The following DAB1 variants were observed in gnomAD, a reference collection of about 807,000 sequenced individuals.
DAB1 encodes DAB adaptor protein 1.
In DAB1, 15 loss-of-function variants were observed where a neutral mutation model predicts 64.6. The observed-to-expected ratio is 0.23, with a 90% CI of 0.16 to 0.36. The LOEUF (loss-of-function observed/expected upper bound fraction) is 0.36. Among genes scored for constraint, DAB1 ranks in the 10% least tolerant of loss-of-function variants. DAB1 has a pLI of 1.00. For synonymous variants in DAB1, 235 were observed against 251.9 expected (o/e 0.93, Z 0.64); for missense variants, 596 against 706.7 (o/e 0.84, Z 1.78).
At chr1:57,297,295 G>A (rs1240815795) in intron 1 of DAB1, among the ~76,000 whole-genome samples, 2 of 152,150 alleles carry the variant, frequency 1.3e-5, no homozygotes, top group Admixed American at 1.3e-4. Context: ...TATTGAGCCA[G>A]TTGATAAACT....
chr1:58,494,148 AC>A (rs1645751428), intron 3 of DAB1, among the ~76,000 whole-genome samples: 2 of 152,236 alleles, frequency 1.3e-5, no homozygotes, highest in Non-Finnish European at 2.9e-5. Flanking sequence ...GACAAACCTG[AC>A]AAAAATAAGA....
intron 6 of DAB1, among the ~76,000 whole-genome samples, chr1:57,734,992 AT>A (rs1428049519): frequency 6.6e-6 from 1 of 152,242 alleles, no homozygotes; most frequent in Non-Finnish European, 1.5e-5. Context: ...TTAATTTCAT[AT>A]CTGTCATTCA....
At chr1:57,285,939 C>T (rs1015383501) in intron 2 of DAB1, among the ~76,000 whole-genome samples, 16 of 152,144 alleles carry the variant, frequency 1.1e-4, no homozygotes, top group East Asian at 3.9e-4. Flanking sequence ...TGGCAGGTAA[C>T]GAACCTAAAA....
At chr1:57,852,203 T>C (rs1262380956) in intron 1 of DAB1, among the ~76,000 whole-genome samples, 1 of 152,192 alleles carries the variant, frequency 6.6e-6, no homozygotes, top group Non-Finnish European at 1.5e-5. Flanking sequence ...GTGATAGGTG[T>C]CCTGCCCTGT....
chr1:57,129,830 T>C (rs1446257913), intron 4 of DAB1, among the ~76,000 whole-genome samples: 1 of 152,114 alleles, frequency 6.6e-6, no homozygotes, highest in African/African-American at 2.4e-5. Context: ...ATATAGCATC[T>C]TGGGCTCCAA....
chr1:58,320,372 G>C (rs1924568), intron 4 of DAB1, among the ~76,000 whole-genome samples: 116,031 of 152,236 alleles, frequency 0.76, 45,150 homozygotes, highest in African/African-American at 0.92. Context: ...TCTGATGTGC[G>C]TGGCACTGTG....
chr1:58,181,945 C>A (rs1242545001), intron 4 of DAB1, among the ~76,000 whole-genome samples: 1 of 151,980 alleles, frequency 6.6e-6, no homozygotes, highest in Admixed American at 6.6e-5. Context: ...TTCTTTCAGT[C>A]CAGAAAACTT....
At chr1:58,380,016 A>G (rs1644372695) in intron 3 of DAB1, among the ~76,000 whole-genome samples, 1 of 152,222 alleles carries the variant, frequency 6.6e-6, no homozygotes, top group African/African-American at 2.4e-5. Flanking sequence ...GTCAGCCCCT[A>G]GAAGCAAAAC....
Position 58,261,405 on chromosome 1 carries a change from C to G in DAB1, n.309+81947G>C, listed in dbSNP as rs573637934. ...ACAAGCCCACCAGTCCAAGGCATTC[C>G]TGAATTGCCTTACCTGATACCTGCC... On this transcript the variant is annotated intron_variant and non_coding_transcript_variant, in intron 4 of 20. Coordinates refer to the DAB1 transcript ENST00000485760. 2.0e-5 allele frequency among the ~76,000 whole-genome samples: 3 copies of G among 152,276 alleles called. No homozygotes were observed. In the South Asian group the frequency reaches 6.2e-4, roughly 32 times the overall value.
At chr1:57,642,796 T>C (rs1220615787) in intron 7 of DAB1, among the ~76,000 whole-genome samples, 1 of 152,154 alleles carries the variant, frequency 6.6e-6, no homozygotes, top group Non-Finnish European at 1.5e-5. Context: ...AGAGAATAAC[T>C]CTCCGGGGCA....
chr1:57,777,542 G>A (rs1485145377), intron 6 of DAB1, among the ~76,000 whole-genome samples: 1 of 151,308 alleles, frequency 6.6e-6, no homozygotes, highest in Non-Finnish European at 1.5e-5. Context: ...CTTTTCTTTT[G>A]CAGTTTTTAA....
At chr1:58,543,331 C>A (rs111324237) in intron 1 of DAB1, among the ~76,000 whole-genome samples, 3 of 152,302 alleles carry the variant, frequency 2.0e-5, no homozygotes, top group African/African-American at 7.2e-5. Flanking sequence ...CTACACTTTG[C>A]AAAGCCAAAT....
chr1:57,919,461 C>A (rs140932745), intron 5 of DAB1, among the ~76,000 whole-genome samples: 2 of 152,192 alleles, frequency 1.3e-5, no homozygotes, highest in Non-Finnish European at 2.9e-5. Context: ...TCCAAACACA[C>A]CCTGGGGTCA....
At chr1:57,534,629 G>A (rs904533615) in intron 7 of DAB1, among the ~76,000 whole-genome samples, 1 of 152,276 alleles carries the variant, frequency 6.6e-6, no homozygotes, top group South Asian at 2.1e-4. Flanking sequence ...TTTGCCTTAG[G>A]TCTTGGCTCT....
chr1:57,765,478 G>A (rs1479198235), intron 6 of DAB1, among the ~76,000 whole-genome samples: 2 of 152,122 alleles, frequency 1.3e-5, no homozygotes, highest in Non-Finnish European at 2.9e-5. Flanking sequence ...CCGCCTCTGA[G>A]GAATGTGAAA....
chr1:57,946,893 C>A (rs1553146361), intron 5 of DAB1, among the ~76,000 whole-genome samples: 1 of 152,200 alleles, frequency 6.6e-6, no homozygotes, highest in Non-Finnish European at 1.5e-5. Context: ...ACATGCCTAG[C>A]CGTGTTCAGC....
At chr1:58,231,719 G>A (rs1453919746) in intron 4 of DAB1, among the ~76,000 whole-genome samples, 2 of 152,204 alleles carry the variant, frequency 1.3e-5, no homozygotes, top group African/African-American at 2.4e-5. Flanking sequence ...GCTACATGAT[G>A]ACTATCCTGT....
At chr1:57,700,935 C>CA (rs1646899714) in intron 6 of DAB1, among the ~76,000 whole-genome samples, 1 of 151,886 alleles carries the variant, frequency 6.6e-6, no homozygotes, top group Non-Finnish European at 1.5e-5. Context: ...TTTATGCAGC[C>CA]AAAAAACACA....
At chr1:57,932,468 A>AT (rs61202343) in intron 5 of DAB1, among the ~76,000 whole-genome samples, 49,641 of 143,392 alleles carry the variant, frequency 0.35, 8,657 homozygotes, top group Admixed American at 0.43. Context: ...AGCCCAGCTA[A>AT]TTTTTTTTTT....
Sources: allele counts gnomAD v4.1 joint callset (sites outside exome capture counted in the v4.1 genomes callset), GRCh38; gene constraint gnomAD v4.1.1; transcripts MANE v1.5; gene names NCBI Gene and HGNC (gene_info 2026-07-23, HGNC 2026-07-21).